The following AK9 variants were observed in gnomAD, a reference collection of about 807,000 sequenced individuals.
The protein encoded by AK9 is adenylate kinase 9, also known as adenylate kinase domain containing 1.
AK9 carries 191 observed loss-of-function variants against 239.6 expected under a neutral mutation model. The observed-to-expected ratio is 0.80, with a 90% confidence interval of 0.71 to 0.90. The LOEUF is 0.90. AK9 is among the 40% of genes least tolerant of loss of function. AK9 has a pLI of 0.00. For missense variants in AK9, 1,995 were observed against 2,214.7 expected, an observed-to-expected ratio of 0.90 and a Z score of 1.99; for synonymous variants, 689 against 721.0, an observed-to-expected ratio of 0.96 and a Z score of 0.71.
chr6:109,493,465 G>A lies in AK9; in HGVS notation c.5640C>T (p.Thr1880=). 1 of 1,614,068 alleles carries A rather than the reference G, an allele frequency of 6.2e-7. No homozygotes were observed. Among genetic ancestry groups the A allele is most frequent in the Non-Finnish European group, 8.5e-7 (1 of 1,179,994 alleles). ...TGAACTGAGGTTCCTTGTATTTTCTGGTCATCTTGGCACCCAAGTATGTTA... is the reference window on the plus strand; with the variant it reads ...TGAACTGAGGTTCCTTGTATTTTCTAGTCATCTTGGCACCCAAGTATGTTA... ...ELITYLGAKM[T]RKYKEPQFRA... The change falls in exon 41 of 41, where the codon ACC becomes ACT. Residue 1880 remains threonine, a synonymous_variant. Coordinates refer to ENST00000424296, the MANE Select transcript of AK9 (RefSeq NM_001145128.3).
chr6:109,547,846 CAAAA>C (rs55899214), intron 25 of AK9, among the ~76,000 whole-genome samples: 37,503 of 121,640 alleles, frequency 0.31, 4,904 homozygotes, highest in South Asian at 0.47. Flanking sequence ...AGCTCAGTAG[CAAAA>C]AAAAAAAAAA....
chr6:109,662,421 C>T, intron 6 of AK9, 130 bp downstream of exon 6: 3 of 733,210 alleles, frequency 4.1e-6, no homozygotes, highest in Non-Finnish European at 5.6e-6. Context: ...AGAAGTATGA[C>T]TCAGTTCCTG....
At chr6:109,667,315 T>C (rs1055813780) in intron 5 of AK9, among the ~76,000 whole-genome samples, 13 of 151,968 alleles carry the variant, frequency 8.6e-5, no homozygotes, top group Non-Finnish European at 1.5e-4. Context: ...TTTTTTTTAA[T>C]TCTCTTTGTT....
chr6:109,569,968 G>T (rs1189332701), intron 21 of AK9, among the ~76,000 whole-genome samples: 1 of 152,164 alleles, frequency 6.6e-6, no homozygotes, highest in Non-Finnish European at 1.5e-5. Flanking sequence ...CTGCTATAAA[G>T]ACACATGCAC....
chr6:109,626,044 T>C (rs1288250928), intron 12 of AK9, among the ~76,000 whole-genome samples: 9 of 152,208 alleles, frequency 5.9e-5, no homozygotes, highest in African/African-American at 2.2e-4. Flanking sequence ...TTTCTCCCTC[T>C]GTTTTTCAGA....
chr6:109,648,732 T>C (rs902248417), intron 8 of AK9, among the ~76,000 whole-genome samples: 1 of 152,190 alleles, frequency 6.6e-6, no homozygotes. Context: ...TCCTCCCTAA[T>C]TCATTTTATG....
At chr6:109,647,565 A>G (rs1798246975) in intron 8 of AK9, among the ~76,000 whole-genome samples, 1 of 152,232 alleles carries the variant, frequency 6.6e-6, no homozygotes, top group Non-Finnish European at 1.5e-5. Context: ...TGCACCCAAT[A>G]CAGGAGCACC....
In AK9 at chr6:109,493,577, G is replaced by C. The variant is rs1373902385; in HGVS notation, c.5534-6C>G. On this transcript the variant is annotated splice_region_variant and splice_polypyrimidine_tract_variant and intron_variant, in intron 40 of 40. Transcript: ENST00000424296. ...GGAACCTTTGGGATTAAATGCTGTA[G>C]AAAATTTCACAGAACTGTGAATAAT... 3 of 1,608,274 alleles carry C rather than the reference G, an allele frequency of 1.9e-6. No homozygotes were observed. The highest frequency in any genetic ancestry group is 2.5e-6 in the Non-Finnish European group (3 of 1,176,516).
At chr6:109,583,423 A>G (rs867628555) in intron 19 of AK9, among the ~76,000 whole-genome samples, 2 of 152,326 alleles carry the variant, frequency 1.3e-5, no homozygotes, top group South Asian at 2.1e-4. Flanking sequence ...ATATTTGATC[A>G]AGATGCAGTT....
At chr6:109,657,860 A>G (rs1583463605) in intron 7 of AK9, among the ~76,000 whole-genome samples, 1 of 152,222 alleles carries the variant, frequency 6.6e-6, no homozygotes, top group East Asian at 1.9e-4. Context: ...AAAAGTTCTC[A>G]TCCCAGGGCC....
Position 109,675,679 on chromosome 6 carries a change from T to C in AK9, c.67A>G (p.Arg23Gly). 3 of 1,598,374 alleles carry C rather than the reference T, an allele frequency of 1.9e-6. No individual in the cohort carries two copies. The highest frequency in any genetic ancestry group is 1.7e-4 in the Middle Eastern group (1 of 6,010). ...ADIFDEDETERNFLLSKPVCF... is the reference protein window; with the variant it reads ...ADIFDEDETEGNFLLSKPVCF... ...ACAGGTTTGGACAACAAAAAATTCC[T>C]TTCAGTTTCATCTTCATCAAATATA... Residue 23 changes from arginine to glycine, a missense_variant, in exon 2 of 41, where the codon AGG (arginine) becomes GGG (glycine). Arg to Gly is a moderately radical substitution (Grantham distance 125). Around this residue, in one of 5 missense-constraint regions of AK9, gnomAD observed 252 missense variants for 246.4 expected, o/e 1.02. Coordinates refer to ENST00000424296, the MANE Select transcript of AK9 (RefSeq NM_001145128.3).
intron 35 of AK9, among the ~76,000 whole-genome samples, chr6:109,505,979 T>C (rs535082777): frequency 4.6e-4 from 70 of 152,238 alleles, no homozygotes; most frequent in African/African-American, 1.7e-3. Flanking sequence ...TATTCTCATG[T>C]GGTAGAAGGG....
chr6:109,590,662 T>C (rs1393865735), intron 17 of AK9, among the ~76,000 whole-genome samples: 1 of 152,218 alleles, frequency 6.6e-6, no homozygotes, highest in Non-Finnish European at 1.5e-5. Context: ...CTGTTAACAC[T>C]ATAAAATTGC....
intron 21 of AK9, among the ~76,000 whole-genome samples, chr6:109,566,917 C>T (rs754681762): frequency 3.3e-5 from 5 of 152,142 alleles, no homozygotes; most frequent in South Asian, 2.1e-4. Flanking sequence ...ATCTCTGGGA[C>T]ACATTTAAAG....
chr6:109,688,000 G>A (rs1171423873), intron 1 of AK9, among the ~76,000 whole-genome samples: 1 of 152,120 alleles, frequency 6.6e-6, no homozygotes, highest in African/African-American at 2.4e-5. Flanking sequence ...TTGCATAATG[G>A]GTTTGTAAAT....
At chr6:109,553,389 T>C (rs1379976704) in intron 24 of AK9, among the ~76,000 whole-genome samples, 4 of 152,188 alleles carry the variant, frequency 2.6e-5, no homozygotes, top group African/African-American at 9.6e-5. Context: ...AGCAGTGGTT[T>C]GTAGTTCTCC....
chr6:109,494,093 A>G lies in AK9; in HGVS notation c.5421T>C (p.Gly1807=). Residue 1807 remains glycine, a splice_region_variant and synonymous_variant, in exon 40 of 41, where the codon GGT becomes GGC. Coordinates refer to ENST00000424296, the MANE Select transcript of AK9 (RefSeq NM_001145128.3). ...TTGCTTTAATTAGAGAAGTTGCAAT[A>G]CCCTGCAGGGAGGGAACAATTCAAA... ...SLPLPGYLEQ[G]IATSLIKAMN... is the part of the protein sequence containing the mutation. 1 of 1,609,554 alleles carries G rather than the reference A, an allele frequency of 6.2e-7. No homozygotes were observed. Among genetic ancestry groups the G allele is most frequent in the Non-Finnish European group, 8.5e-7 (1 of 1,176,310 alleles).
intron 17 of AK9, among the ~76,000 whole-genome samples, chr6:109,595,504 T>C (rs1790899738): frequency 1.3e-5 from 2 of 152,226 alleles, no homozygotes; most frequent in African/African-American, 2.4e-5. Flanking sequence ...TTACTGGGTA[T>C]ATACCCAAAG....
intron 5 of AK9, among the ~76,000 whole-genome samples, chr6:109,666,143 G>C (rs1801162769): frequency 6.6e-6 from 1 of 152,206 alleles, no homozygotes; most frequent in African/African-American, 2.4e-5. Flanking sequence ...TCTACCCTCT[G>C]AGAGATGTCT....
Sources: gnomAD v4.1 joint callset for allele counts (sites outside exome capture counted in the v4.1 genomes callset) on GRCh38, gnomAD v4.1.1 for gene constraint, gnomAD v4.1.1 regional missense constraint, MANE v1.5 for transcripts, NCBI Gene and HGNC (gene_info 2026-07-23, HGNC 2026-07-21) for gene names.